The following SUMF1 variants were observed in gnomAD, a reference collection of about 807,000 sequenced individuals.
SUMF1 encodes the protein sulfatase modifying factor 1.
SUMF1 carries 48 observed loss-of-function variants against 47.6 expected under a neutral mutation model. That is an observed-to-expected ratio of 1.01 (90% CI 0.80 to 1.28). The LOEUF is 1.28. Among genes scored for constraint, SUMF1 ranks in the 50% most tolerant of loss-of-function variants. SUMF1 has a pLI of 0.00. For missense variants in SUMF1, 571 were observed against 485.4 expected (o/e 1.18, Z -1.66); for synonymous variants, 230 against 192.1 (o/e 1.20, Z -1.63).
intron 7 of SUMF1, among the ~76,000 whole-genome samples, chr3:4,401,125 C>T (rs1177159490): frequency 1.3e-5 from 2 of 151,994 alleles, no homozygotes; most frequent in Non-Finnish European, 2.9e-5. Context: ...TCATCCATGT[C>T]CCTACAAAGG....
At chr3:4,220,148 G>A (rs994922401) in intron 8 of SUMF1, among the ~76,000 whole-genome samples, 1 of 152,044 alleles carries the variant, frequency 6.6e-6, no homozygotes, top group African/African-American at 2.4e-5. Context: ...ACTTCACCCA[G>A]GCTCCATTAG....
chr3:4,241,666 C>T (rs568560401), intron 8 of SUMF1, among the ~76,000 whole-genome samples: 17 of 152,214 alleles, frequency 1.1e-4, no homozygotes, highest in African/African-American at 1.4e-4. Flanking sequence ...GAAGCAGCAG[C>T]GTTGTCTGGG....
At chr3:4,287,576 A>G (rs1697658187) in intron 8 of SUMF1, among the ~76,000 whole-genome samples, 1 of 152,186 alleles carries the variant, frequency 6.6e-6, no homozygotes, top group African/African-American at 2.4e-5. Flanking sequence ...TACCAAAAAC[A>G]CAGCTTCACA....
chr3:4,184,752 G>T (rs148482428), intron 8 of SUMF1, among the ~76,000 whole-genome samples: 2 of 150,682 alleles, frequency 1.3e-5, no homozygotes, highest in African/African-American at 2.4e-5. Flanking sequence ...GGGTTCAAGC[G>T]ATCCTCCTGC....
intron 8 of SUMF1, among the ~76,000 whole-genome samples, chr3:4,219,104 C>A (rs551936261): frequency 5.1e-4 from 78 of 152,198 alleles, no homozygotes; most frequent in Non-Finnish European, 7.3e-5. Context: ...ATACCACCCC[C>A]ACACAGGCTT....
chr3:4,275,368 G>A (rs764884721), intron 8 of SUMF1, among the ~76,000 whole-genome samples: 1 of 152,114 alleles, frequency 6.6e-6, no homozygotes, highest in African/African-American at 2.4e-5. Flanking sequence ...CCTCTGTGTT[G>A]GCTTCATCCT....
chr3:4,330,885 A>C (rs1420284379), intron 8 of SUMF1, among the ~76,000 whole-genome samples: 1 of 152,292 alleles, frequency 6.6e-6, no homozygotes, highest in Non-Finnish European at 1.5e-5. Flanking sequence ...TAAGATTTCC[A>C]TAAGTCTTTT....
At chr3:4,323,198 A>G (rs531383202) in intron 8 of SUMF1, among the ~76,000 whole-genome samples, 1 of 152,338 alleles carries the variant, frequency 6.6e-6, no homozygotes, top group South Asian at 2.1e-4. Context: ...TTATTTGGCC[A>G]TTCCATAAAA....
At chr3:4,380,828 G>A (rs944748701) in intron 7 of SUMF1, among the ~76,000 whole-genome samples, 16 of 152,240 alleles carry the variant, frequency 1.1e-4, no homozygotes, top group Non-Finnish European at 1.6e-4. Flanking sequence ...TAAAGTTCTC[G>A]GGAAAAGTGA....
Position 4,131,133 on chromosome 3 carries a change from T to A in SUMF1, c.1015-62388A>T, listed in dbSNP as rs563574781. Among the ~76,000 whole-genome samples the A allele has an allele frequency of 1.1e-4, 16 of 152,290 alleles. No individual in the cohort carries two copies. The South Asian group carries it at 3.1e-3, about 30-fold the overall frequency. ...GACTATGCGTCATCAAGTCACCATA[T>A]GACCTGAACTGCCTATCATGAACTG... On this transcript the variant is annotated intron_variant and NMD_transcript_variant, in intron 8 of 12. Coordinates refer to the SUMF1 transcript ENST00000448413.
chr3:4,235,227 AG>A (rs1312491620), intron 8 of SUMF1, among the ~76,000 whole-genome samples: 1 of 152,170 alleles, frequency 6.6e-6, no homozygotes, highest in Non-Finnish European at 1.5e-5. Context: ...AAGGGGGATA[AG>A]GGAGAGGAAG....
At chr3:4,084,915 T>C (rs1205559320) in intron 8 of SUMF1, among the ~76,000 whole-genome samples, 1 of 152,034 alleles carries the variant, frequency 6.6e-6, no homozygotes, top group African/African-American at 2.4e-5. Context: ...ACATAACAGG[T>C]CAAGTTTCAA....
chr3:4,464,412 TTGTGTG>T (rs10667318), intron 1 of SUMF1, among the ~76,000 whole-genome samples: 4 of 150,620 alleles, frequency 2.7e-5, no homozygotes, highest in Non-Finnish European at 4.4e-5. Context: ...CTGTGTGTGT[TTGTGTG>T]TGTGTGTGTG....
intron 8 of SUMF1, among the ~76,000 whole-genome samples, chr3:4,129,116 C>A (rs1341262831): frequency 6.6e-6 from 1 of 152,096 alleles, no homozygotes; most frequent in African/African-American, 2.4e-5. Flanking sequence ...AAAACAGATT[C>A]GTGAGGGCAG....
In SUMF1 at chr3:4,089,706, C is replaced by T. The variant is rs567885503; in HGVS notation, c.1015-20961G>A. On this transcript the variant is annotated intron_variant and NMD_transcript_variant, in intron 8 of 12. Transcript: ENST00000448413. The stretch of plus-strand genomic sequence containing the variant: ...AAACCTATGCAATTCCTAACTCATT[C>T]TTTGAAACTCAACTACCACCTTTTA... Among the ~76,000 whole-genome samples, 80 of 152,294 alleles carry T rather than the reference C, an allele frequency of 5.3e-4. 1 individual carries two copies. The highest frequency in any genetic ancestry group is 1.9e-3 in the African/African-American group (79 of 41,550).
At chr3:4,220,797 G>C (rs543527764) in intron 8 of SUMF1, among the ~76,000 whole-genome samples, 1 of 152,150 alleles carries the variant, frequency 6.6e-6, no homozygotes, top group African/African-American at 2.4e-5. Context: ...TGTATCCAAG[G>C]TCACTCCAAT....
intron 8 of SUMF1, among the ~76,000 whole-genome samples, chr3:4,141,898 C>T (rs1448926453): frequency 3.3e-5 from 5 of 152,098 alleles, no homozygotes; most frequent in African/African-American, 4.8e-5. Context: ...TTTGAGAGCT[C>T]TGGGTGGAGC....
intron 1 of SUMF1, among the ~76,000 whole-genome samples, chr3:4,463,452 T>C (rs1415267218): frequency 6.6e-6 from 1 of 152,202 alleles, no homozygotes. Flanking sequence ...ATTGCACCAC[T>C]GCACTCCAGC....
chr3:4,288,511 G>T lies in SUMF1; in HGVS notation c.1014+87819C>A, dbSNP rs1423098145. ...CAGTGGTATGAAAAATTGAATACCC[G>T]CTAACCTAGCTTAGTATTGCCATAC... On this transcript the variant is annotated intron_variant and NMD_transcript_variant, in intron 8 of 12. Coordinates refer to the SUMF1 transcript ENST00000448413. Among the ~76,000 whole-genome samples the T allele has an allele frequency of 2.0e-5, 3 of 152,186 alleles. No individual in the cohort carries two copies. In the South Asian group the frequency reaches 6.2e-4, roughly 32 times the overall value.
Sources: allele counts gnomAD v4.1 joint callset (sites outside exome capture counted in the v4.1 genomes callset), GRCh38; gene constraint gnomAD v4.1.1; transcripts MANE v1.5; gene names NCBI Gene and HGNC (gene_info 2026-07-23, HGNC 2026-07-21).